Variants in AGAP1 observed in about 807,000 individuals in gnomAD.
AGAP1 encodes the protein ArfGAP with GTPase domain, ankyrin repeat and PH domain 1.
Under a neutral mutation model 105.3 loss-of-function variants are expected in AGAP1, and 29 were observed. The ratio of observed to expected loss-of-function variants is 0.28; its 90% CI spans 0.21 to 0.38. The LOEUF is 0.38. AGAP1 is among the 10% of genes least tolerant of loss of function. The probability of loss-of-function intolerance (pLI) is 1.00; values close to 1 mark genes in which losing one functional copy is unlikely to be tolerated. For synonymous variants in AGAP1, 509 were observed against 485.9 expected (o/e 1.05, Z -0.63); for missense variants, 998 against 1,165.1 (o/e 0.86, Z 2.09).
intron 1 of AGAP1, among the ~76,000 whole-genome samples, chr2:235,629,479 G>C (rs532660760): frequency 3.3e-5 from 5 of 152,150 alleles, no homozygotes; most frequent in Non-Finnish European, 7.4e-5. Flanking sequence ...AAGGAGAACA[G>C]GACAGAGACA....
At chr2:235,579,073 T>C (rs969271137) in intron 1 of AGAP1, among the ~76,000 whole-genome samples, 1 of 152,188 alleles carries the variant, frequency 6.6e-6, no homozygotes, top group Admixed American at 6.5e-5. Context: ...GGAAACCAAA[T>C]TATCACCATG....
At chr2:235,564,694 T>C (rs12692174) in intron 1 of AGAP1, among the ~76,000 whole-genome samples, 1,556 of 24,868 alleles carry the variant, frequency 0.063, 40 homozygotes, top group African/African-American at 0.27. Flanking sequence ...CCACCCAGGG[T>C]CAGGTGTGAG....
chr2:236,122,249 C>G lies in AGAP1; in HGVS notation c.2371-1670C>G, dbSNP rs868492882. 1.7e-4 allele frequency among the ~76,000 whole-genome samples: 26 copies of G among 152,260 alleles called. No homozygotes were observed. In the Middle Eastern group the frequency reaches 0.048, roughly 279 times the overall value. On this transcript the variant is annotated intron_variant, in intron 17 of 17. Transcript: ENST00000304032. Reference sequence around the variant, plus strand: ...TACAGGTATCAGCCTCCCAGCCCAGCCTTTTCCTCTTCTCATATAGATACT... The same window carrying G: ...TACAGGTATCAGCCTCCCAGCCCAGGCTTTTCCTCTTCTCATATAGATACT...
chr2:236,053,053 G>A lies in AGAP1; in HGVS notation c.2114+3772G>A, dbSNP rs2057952473. Among the ~76,000 whole-genome samples the A allele has an allele frequency of 1.3e-5, 2 of 152,184 alleles. No homozygotes were observed. The highest frequency in any genetic ancestry group is 2.9e-5 in the Non-Finnish European group (2 of 68,048). On this transcript the variant is annotated intron_variant, in intron 16 of 17. Coordinates refer to ENST00000304032, the MANE Select transcript of AGAP1 (RefSeq NM_001037131.3). The surrounding 1 kb of genome is among the most constrained non-coding windows in gnomAD (Gnocchi z 4.6). ...CGTAACACCCGGCTTGTGCGTGTGT[G>A]CGGTACCATAACGTAGCGTGTTGTA...
chr2:235,851,523 G>T (rs1200172426), intron 9 of AGAP1, among the ~76,000 whole-genome samples: 1 of 152,158 alleles, frequency 6.6e-6, no homozygotes, highest in Non-Finnish European at 1.5e-5. Flanking sequence ...AAAGTGTATT[G>T]TGTGTTCTTG....
intron 13 of AGAP1, among the ~76,000 whole-genome samples, chr2:236,010,303 CGTA>C (rs1576048583): frequency 6.6e-6 from 1 of 152,090 alleles, no homozygotes; most frequent in Admixed American, 6.6e-5. Context: ...AGTAGAAAGA[CGTA>C]GTAAGCTGCA....
Position 235,744,331 on chromosome 2 carries a change from C to T in AGAP1, c.397-367C>T, listed in dbSNP as rs965106775. 3.3e-5 allele frequency among the ~76,000 whole-genome samples: 5 copies of T among 152,178 alleles called. No homozygotes were observed. The highest frequency in any genetic ancestry group is 1.2e-4 in the African/African-American group (5 of 41,458). ...GGAAAGCCTTAGGGCTTGAGGGGCT[C>T]TGGCAGGAGGTGGGTCTGGCCTTCT... On this transcript the variant is annotated intron_variant, in intron 4 of 17. Coordinates refer to ENST00000304032, the MANE Select transcript of AGAP1 (RefSeq NM_001037131.3). This position sits in a 1 kb window ranked among gnomAD's most constrained non-coding sequence, Gnocchi z 5.2.
intron 16 of AGAP1, among the ~76,000 whole-genome samples, chr2:236,091,814 T>C (rs935624170): frequency 6.6e-6 from 1 of 152,208 alleles, no homozygotes; most frequent in African/African-American, 2.4e-5. Flanking sequence ...AAAACCTGTA[T>C]GTGAATGTTC....
Position 235,989,022 on chromosome 2 carries a change from T to C in AGAP1, c.1645+20399T>C, listed in dbSNP as rs1051767386. ...TTGTCAGGCTTCCCTTGGCCAATAA[T>C]GTGGAGTCTTTTGGTTTTTCTGTTC... On this transcript the variant is annotated intron_variant, in intron 13 of 17. Transcript: ENST00000304032. The surrounding 1 kb of genome is among the most constrained non-coding windows in gnomAD (Gnocchi z 4.4). 2.4e-4 allele frequency among the ~76,000 whole-genome samples: 37 copies of C among 152,162 alleles called. No homozygotes were observed. Among genetic ancestry groups the C allele is most frequent in the African/African-American group, 8.9e-4 (37 of 41,456 alleles).
intron 16 of AGAP1, among the ~76,000 whole-genome samples, chr2:236,097,936 T>G (rs2059235920): frequency 1.3e-5 from 2 of 152,218 alleles, no homozygotes; most frequent in Non-Finnish European, 2.9e-5. Flanking sequence ...GTGCCTGACT[T>G]ACTTCACTAG....
chr2:235,897,865 G>C (rs2050880052), intron 10 of AGAP1, among the ~76,000 whole-genome samples: 1 of 152,120 alleles, frequency 6.6e-6, no homozygotes, highest in Non-Finnish European at 1.5e-5. Context: ...CTGAGGTCTT[G>C]GAAGGTAGGT....
chr2:235,669,738 G>A (rs1357579378), intron 1 of AGAP1: 3 of 148,162 alleles, frequency 2.0e-5, no homozygotes, highest in African/African-American at 2.4e-5. Flanking sequence ...TGCAGCCGGA[G>A]CGGGAGGATG....
intron 1 of AGAP1, among the ~76,000 whole-genome samples, chr2:235,667,115 G>T (rs1948151727): frequency 6.6e-6 from 1 of 152,138 alleles, no homozygotes; most frequent in South Asian, 2.1e-4. Context: ...AGGCGGGATG[G>T]CCCTGTAGCT....
At chr2:235,880,810 C>T (rs2049983246) in intron 9 of AGAP1, among the ~76,000 whole-genome samples, 1 of 152,084 alleles carries the variant, frequency 6.6e-6, no homozygotes, top group Non-Finnish European at 1.5e-5. Context: ...CCACGGGAAT[C>T]CCACTGAAGA....
rs1044647171 is a variant in AGAP1, at chr2:236,104,036, A to G, written c.2115-16156A>G. On this transcript the variant is annotated intron_variant, in intron 16 of 17. Transcript: ENST00000304032. This position sits in a 1 kb window ranked among gnomAD's most constrained non-coding sequence, Gnocchi z 4.7. Reference sequence around the variant, plus strand: ...TTTTATCCCCTTTTTGCGGGTAGGGAAATTGAATATTCAAACCCAGGCCTG... The same window carrying G: ...TTTTATCCCCTTTTTGCGGGTAGGGGAATTGAATATTCAAACCCAGGCCTG... Among the ~76,000 whole-genome samples, 20 of 152,208 alleles carry G rather than the reference A, an allele frequency of 1.3e-4. No individual in the cohort carries two copies. The highest frequency in any genetic ancestry group is 4.8e-4 in the African/African-American group (20 of 41,448).
chr2:235,968,611 G>A lies in AGAP1; in HGVS notation c.1633G>A (p.Gly545Ser), dbSNP rs201718104. Residue 545 changes from glycine (G) to serine (S), a missense_variant, in exon 13 of 18, where the codon GGC (glycine) becomes AGC (serine). By Grantham distance (56) the Gly-to-Ser change is moderately conservative. Around this residue, in one of 3 missense-constraint regions of AGAP1, gnomAD observed 735 missense variants for 833.4 expected, o/e 0.88. Coordinates refer to ENST00000304032, the MANE Select transcript of AGAP1 (RefSeq NM_001037131.3). The stretch of plus-strand genomic sequence containing the variant: ...CAACTTCAAAGCCGACGGCCTGTCC[G>A]GCACTGCTGAAGGTAAGGGTTCCGC... The part of the protein sequence containing the change: ...TSNFKADGLS[G>S]TAEEQEENFE... The A allele has an allele frequency of 2.1e-4, 341 of 1,608,442 alleles. No homozygotes were observed. Among genetic ancestry groups the A allele is most frequent in the Middle Eastern group, 1.6e-3 (10 of 6,066 alleles).
At chr2:235,829,184 C>G (rs1000151161) in intron 9 of AGAP1, among the ~76,000 whole-genome samples, 1 of 152,258 alleles carries the variant, frequency 6.6e-6, no homozygotes, top group African/African-American at 2.4e-5. Context: ...CTTGGACTTG[C>G]AGGCAGCCTC....
rs950767506 is a variant in AGAP1, at chr2:235,494,581, C to G, written c.-106C>G. The G allele has an allele frequency of 3.4e-6, 1 of 290,050 alleles. No homozygotes were observed. The highest frequency in any genetic ancestry group is 5.0e-6 in the Non-Finnish European group (1 of 200,334). 18.0% of individuals were successfully genotyped at this position (290,050 alleles called of 1,614,324 possible). ...CCTCCTCCGCCCGCCGCCGGCGGGC[C>G]CGGCTCCCCGGGGGCTGCGGCGCCC... On this transcript the variant is annotated 5_prime_UTR_variant, in exon 1 of 18. Transcript: ENST00000304032.
intron 1 of AGAP1, among the ~76,000 whole-genome samples, chr2:235,506,619 G>C (rs754450425): frequency 1.3e-5 from 2 of 152,066 alleles, no homozygotes; most frequent in Non-Finnish European, 2.9e-5. Context: ...GAATTTATTT[G>C]TCCAAGAGTT....
Sources: allele counts gnomAD v4.1 joint callset (sites outside exome capture counted in the v4.1 genomes callset), GRCh38; gene constraint gnomAD v4.1.1; regional missense constraint gnomAD v4.1.1; non-coding constraint Gnocchi (gnomAD v3.1); transcripts MANE v1.5; gene names NCBI Gene and HGNC (gene_info 2026-07-23, HGNC 2026-07-21).